BRINP3: variants seen among roughly 807,000 people sequenced by gnomAD.
The protein encoded by BRINP3 is BMP/retinoic acid inducible neural specific 3, also known as BMP/retinoic acid-inducible neural-specific protein 3.
Under a neutral mutation model 71.0 loss-of-function variants are expected in BRINP3, and 19 were observed. The observed-to-expected ratio is 0.27, with a 90% CI of 0.19 to 0.39. The LOEUF is 0.39. Ranked by LOEUF, BRINP3 falls within the 10% of genes least tolerant of loss-of-function variation. The pLI, the probability that BRINP3 is intolerant of heterozygous loss-of-function variation, is 1.00. For missense variants in BRINP3, 959 were observed against 940.8 expected, an observed-to-expected ratio of 1.02 and a Z score of -0.25; for synonymous variants, 380 against 337.7, an observed-to-expected ratio of 1.13 and a Z score of -1.37.
intron 2 of BRINP3, among the ~76,000 whole-genome samples, chr1:190,350,346 G>T (rs1478204002): frequency 2.0e-5 from 3 of 152,024 alleles, no homozygotes; most frequent in African/African-American, 7.2e-5. Flanking sequence ...TAGATTCCCA[G>T]AAAAGTTCCT....
chr1:190,103,774 T>C (rs990518737), intron 7 of BRINP3, among the ~76,000 whole-genome samples: 2 of 152,126 alleles, frequency 1.3e-5, no homozygotes, highest in East Asian at 3.9e-4. Flanking sequence ...TACAATAAAA[T>C]TTATAAACTG....
intron 6 of BRINP3, among the ~76,000 whole-genome samples, chr1:190,216,313 G>A (rs1464736397): frequency 6.6e-6 from 1 of 150,846 alleles, no homozygotes; most frequent in African/African-American, 2.4e-5. Context: ...ACTATTGTGA[G>A]GTTTTGTGTG....
In BRINP3 at chr1:190,098,945, G is replaced by C. The variant is rs759231720; in HGVS notation, c.1374C>G (p.Thr458=). The C allele has an allele frequency of 1.9e-6, 3 of 1,614,140 alleles. No individual in the cohort carries two copies. Among genetic ancestry groups the C allele is most frequent in the Non-Finnish European group, 1.7e-6 (2 of 1,180,030 alleles). The part of the protein sequence containing the change: ...ACLTCAPDNR[T]RCGTCNTGYM... ...AGCCGGTGTTGCAGGTGCCGCAGCG[G>C]GTGCGGTTGTCTGGTGCGCATGTCA... The change falls in exon 8 of 8, where the codon ACC becomes ACG. Residue 458 remains threonine, a synonymous_variant. Coordinates refer to ENST00000367462, the MANE Select transcript of BRINP3 (RefSeq NM_199051.3).
At chr1:190,327,949 C>A (rs1364968603) in intron 2 of BRINP3, among the ~76,000 whole-genome samples, 3 of 152,044 alleles carry the variant, frequency 2.0e-5, no homozygotes, top group African/African-American at 7.2e-5. Context: ...ATCATACAAA[C>A]CATACTCTTG....
chr1:190,287,082 C>T (rs1407683464), intron 2 of BRINP3, among the ~76,000 whole-genome samples: 1 of 150,766 alleles, frequency 6.6e-6, no homozygotes, highest in Non-Finnish European at 1.5e-5. Context: ...AAAAAAATAG[C>T]CGACTGTGGT....
intron 2 of BRINP3, among the ~76,000 whole-genome samples, chr1:190,376,358 C>T (rs769730959): frequency 3.3e-5 from 5 of 152,012 alleles, no homozygotes; most frequent in Non-Finnish European, 1.5e-5. Context: ...AAGCTGTAAA[C>T]TTAACTCAGA....
intron 1 of BRINP3, among the ~76,000 whole-genome samples, chr1:190,475,179 A>G (rs1466503227): frequency 6.6e-6 from 1 of 152,178 alleles, no homozygotes; most frequent in East Asian, 1.9e-4. Context: ...GAAGTCATTC[A>G]ACAGTTCTAA....
intron 6 of BRINP3, among the ~76,000 whole-genome samples, chr1:190,182,450 G>C (rs1194216535): frequency 1.3e-5 from 2 of 151,800 alleles, no homozygotes; most frequent in African/African-American, 4.8e-5. Flanking sequence ...TTCTTTCCTT[G>C]TCTTATTAAT....
At chr1:190,281,121 T>C (rs900664956) in intron 3 of BRINP3, among the ~76,000 whole-genome samples, 2 of 151,994 alleles carry the variant, frequency 1.3e-5, no homozygotes, top group African/African-American at 4.8e-5. Context: ...CCGTACCAGC[T>C]ACAATCTGTA....
chr1:190,404,319 G>T (rs1144529), intron 2 of BRINP3, among the ~76,000 whole-genome samples: 146,821 of 152,274 alleles, frequency 0.96, 71,004 homozygotes, highest in East Asian at 1. Context: ...AGAAATTCTG[G>T]GATGCAGGGC....
Position 190,278,043 on chromosome 1 carries a change from G to C in BRINP3, c.427+3517C>G, listed in dbSNP as rs559775254. 2.6e-5 allele frequency among the ~76,000 whole-genome samples: 4 copies of C among 151,512 alleles called. No individual in the cohort carries two copies. The East Asian group carries it at 5.8e-4, about 22-fold the overall frequency. ...TCTGTCATAAAATATCCCATTAAAG[G>C]CTTCAAGTATGGTACCCAAAGTTTT... On this transcript the variant is annotated intron_variant, in intron 3 of 7. Coordinates refer to ENST00000367462, the MANE Select transcript of BRINP3 (RefSeq NM_199051.3).
rs149340588 is a variant in BRINP3, at chr1:190,233,523, G to C, written c.724+849C>G. 2.3e-4 allele frequency among the ~76,000 whole-genome samples: 35 copies of C among 152,138 alleles called. No homozygotes were observed. The East Asian group carries it at 6.8e-3, about 29-fold the overall frequency. Reference sequence around the variant, plus strand: ...GATTGCAAAGTTAAGGGAAAAAATGGTAGCATTTCTGAAACTTTTAAGCAT... The same window carrying C: ...GATTGCAAAGTTAAGGGAAAAAATGCTAGCATTTCTGAAACTTTTAAGCAT... On this transcript the variant is annotated intron_variant, in intron 5 of 7. Transcript: ENST00000367462.
At chr1:190,106,765 A>C (rs1359365581) in intron 7 of BRINP3, among the ~76,000 whole-genome samples, 1 of 151,740 alleles carries the variant, frequency 6.6e-6, no homozygotes, top group Non-Finnish European at 1.5e-5. Flanking sequence ...GACATTTTAA[A>C]ACCTGGACTT....
chr1:190,192,105 G>T (rs2102577136), intron 6 of BRINP3, among the ~76,000 whole-genome samples: 1 of 152,138 alleles, frequency 6.6e-6, no homozygotes, highest in East Asian at 1.9e-4. Context: ...CAAAAATACG[G>T]GCTCTGAATG....
chr1:190,366,131 G>C (rs1571871672), intron 2 of BRINP3, among the ~76,000 whole-genome samples: 1 of 152,144 alleles, frequency 6.6e-6, no homozygotes, highest in East Asian at 1.9e-4. Flanking sequence ...CTTTGTCTCA[G>C]TGTATTAGTC....
intron 6 of BRINP3, among the ~76,000 whole-genome samples, chr1:190,185,940 A>T (rs1653476655): frequency 6.6e-6 from 1 of 152,172 alleles, no homozygotes; most frequent in Admixed American, 6.5e-5. Context: ...AACAAAAAGG[A>T]AAGAGGTTTG....
intron 3 of BRINP3, among the ~76,000 whole-genome samples, chr1:190,270,743 C>T (rs181229603): frequency 1.5e-3 from 224 of 151,634 alleles, no homozygotes; most frequent in Non-Finnish European, 2.5e-3. Flanking sequence ...TAAAAATATC[C>T]TGAAGTAATT....
At chr1:190,107,859 C>T (rs1167013806) in intron 7 of BRINP3, among the ~76,000 whole-genome samples, 2 of 146,648 alleles carry the variant, frequency 1.4e-5, no homozygotes, top group Non-Finnish European at 2.9e-5. Context: ...AATTATGGCA[C>T]TGAATTTTTT....
chr1:190,189,668 G>A (rs1345012711), intron 6 of BRINP3, among the ~76,000 whole-genome samples: 9 of 150,376 alleles, frequency 6.0e-5, no homozygotes, highest in Non-Finnish European at 1.2e-4. Context: ...TTTTCCCATT[G>A]ATTTTTTTTA....
Sources: gnomAD v4.1 joint callset for allele counts (sites outside exome capture counted in the v4.1 genomes callset) on GRCh38, gnomAD v4.1.1 for gene constraint, MANE v1.5 for transcripts, NCBI Gene and HGNC (gene_info 2026-07-23, HGNC 2026-07-21) for gene names.